Variants in SETD3 observed in about 807,000 individuals in gnomAD.
SETD3 encodes SET domain containing 3, actin N3(tau)-histidine methyltransferase.
In SETD3, 19 loss-of-function variants were observed where a neutral mutation model predicts 63.0. The ratio of observed to expected loss-of-function variants is 0.30; its 90% confidence interval spans 0.21 to 0.44. The LOEUF is 0.44. Ranked by LOEUF, SETD3 falls within the 20% of genes least tolerant of loss-of-function variation. The pLI is 1.00. For missense variants in SETD3, 587 were observed against 728.5 expected, an observed-to-expected ratio of 0.81 and a Z score of 2.24; for synonymous variants, 286 against 264.1, an observed-to-expected ratio of 1.08 and a Z score of -0.80.
At chr14:99,408,675 G>A (rs935269439) in intron 8 of SETD3, among the ~76,000 whole-genome samples, 3 of 152,188 alleles carry the variant, frequency 2.0e-5, no homozygotes, top group Non-Finnish European at 4.4e-5. Context: ...ACAGCAACCC[G>A]GACAGGCAAA....
intron 6 of SETD3, among the ~76,000 whole-genome samples, chr14:99,421,480 C>T (rs113875540): frequency 3.1e-4 from 47 of 151,816 alleles, no homozygotes; most frequent in African/African-American, 1.1e-3. Context: ...GTTAGGACCA[C>T]CATAATGAAA....
intron 6 of SETD3, among the ~76,000 whole-genome samples, chr14:99,427,975 C>T (rs536793866): frequency 8.5e-5 from 13 of 152,088 alleles, no homozygotes; most frequent in Non-Finnish European, 1.6e-4. Context: ...CAGAGAGTAC[C>T]GGAAATGGCA....
intron 1 of SETD3, chr14:99,478,807 G>A (rs1398856000): frequency 2.0e-5 from 3 of 152,198 alleles, no homozygotes; most frequent in Admixed American, 6.5e-5. Flanking sequence ...GGAGGCTGTT[G>A]TGACCGTTTA....
At chr14:99,470,642 T>C (rs1453762812) in intron 1 of SETD3, among the ~76,000 whole-genome samples, 1 of 152,110 alleles carries the variant, frequency 6.6e-6, no homozygotes, top group East Asian at 1.9e-4. Context: ...GTACCCTGAA[T>C]CCCAGGCAGT....
intron 11 of SETD3, among the ~76,000 whole-genome samples, chr14:99,401,237 A>T (rs1891372746): frequency 6.6e-6 from 1 of 152,200 alleles, no homozygotes. Flanking sequence ...ACAAGTGAAC[A>T]TCTCAATTAT....
intron 2 of SETD3, among the ~76,000 whole-genome samples, chr14:99,465,455 C>T (rs1185121205): frequency 6.6e-6 from 1 of 152,228 alleles, no homozygotes; most frequent in Non-Finnish European, 1.5e-5. Context: ...TTCCAGGTGA[C>T]TGTGCCATGG....
intron 6 of SETD3, among the ~76,000 whole-genome samples, chr14:99,450,380 A>G (rs1894391792): frequency 6.6e-6 from 1 of 152,222 alleles, no homozygotes; most frequent in East Asian, 1.9e-4. Flanking sequence ...TGTCAGAGAC[A>G]AGTAGAACAG....
intron 6 of SETD3, among the ~76,000 whole-genome samples, chr14:99,416,593 C>T (rs985796678): frequency 7.9e-5 from 12 of 152,056 alleles, no homozygotes; most frequent in African/African-American, 2.7e-4. Flanking sequence ...TGAGGAGGGT[C>T]CCTGAGAAGC....
At chr14:99,447,274 A>G (rs940877923) in intron 6 of SETD3, among the ~76,000 whole-genome samples, 2 of 152,182 alleles carry the variant, frequency 1.3e-5, no homozygotes, top group African/African-American at 2.4e-5. Context: ...TGCCCAGCCC[A>G]TTTCATTTCT....
At chr14:99,474,662 C>G (rs1895878597) in intron 1 of SETD3, among the ~76,000 whole-genome samples, 1 of 152,058 alleles carries the variant, frequency 6.6e-6, no homozygotes, top group Admixed American at 6.5e-5. Context: ...GTCAGGAGTT[C>G]AAGACCAGCC....
intron 11 of SETD3, among the ~76,000 whole-genome samples, chr14:99,403,444 C>T (rs1161237485): frequency 8.5e-6 from 1 of 117,552 alleles, no homozygotes; most frequent in Non-Finnish European, 1.7e-5. Context: ...CACACACACA[C>T]ACACACACAC....
At chr14:99,449,719 G>T (rs1310053801) in intron 6 of SETD3, among the ~76,000 whole-genome samples, 1 of 152,218 alleles carries the variant, frequency 6.6e-6, no homozygotes, top group Non-Finnish European at 1.5e-5. Context: ...TTCAAACAAG[G>T]TCTGCAGATC....
chr14:99,481,641 C>T (rs1896326274), upstream of SETD3: 2 of 387,234 alleles, frequency 5.2e-6, no homozygotes, highest in Non-Finnish European at 9.1e-6. Context: ...GCGGGCGACG[C>T]GGGGTTGTGG....
chr14:99,400,629 T>C (rs763111391), intron 11 of SETD3, among the ~76,000 whole-genome samples: 17 of 152,040 alleles, frequency 1.1e-4, no homozygotes, highest in Non-Finnish European at 1.5e-5. Context: ...ATGAGCTCCA[T>C]CACACCAAGT....
At chr14:99,426,892 G>A (rs933035414) in intron 6 of SETD3, among the ~76,000 whole-genome samples, 1 of 152,112 alleles carries the variant, frequency 6.6e-6, no homozygotes, top group African/African-American at 2.4e-5. Flanking sequence ...GGCCAACGAG[G>A]GCAGAGGCCT....
upstream of SETD3, among the ~76,000 whole-genome samples, chr14:99,483,613 T>C (rs189187479): frequency 7.8e-4 from 119 of 152,294 alleles, 1 homozygote; most frequent in South Asian, 3.3e-3. Flanking sequence ...CTGGTGGTGA[T>C]TGGGGATTGT....
At chr14:99,426,753 T>C (rs1260361989) in intron 6 of SETD3, among the ~76,000 whole-genome samples, 1 of 151,964 alleles carries the variant, frequency 6.6e-6, no homozygotes, top group Non-Finnish European at 1.5e-5. Flanking sequence ...TAAGGTGTCC[T>C]CTCCCAGGGG....
intron 6 of SETD3, among the ~76,000 whole-genome samples, chr14:99,456,080 C>T (rs369918432): frequency 2.0e-5 from 3 of 152,104 alleles, no homozygotes; most frequent in Admixed American, 1.3e-4. Flanking sequence ...TGCTTGAGCC[C>T]GGAGGTCGAG....
intron 1 of SETD3, among the ~76,000 whole-genome samples, chr14:99,471,333 G>A (rs1895693353): frequency 6.6e-6 from 1 of 152,232 alleles, no homozygotes; most frequent in South Asian, 2.1e-4. Context: ...AACATTTACT[G>A]AATATTTAAT....
Sources: gnomAD v4.1 joint callset for allele counts (sites outside exome capture counted in the v4.1 genomes callset) on GRCh38, gnomAD v4.1.1 for gene constraint, MANE v1.5 for transcripts, NCBI Gene and HGNC (gene_info 2026-07-23, HGNC 2026-07-21) for gene names.